The following TENM4 variants were observed in gnomAD, a reference collection of about 807,000 sequenced individuals.
The protein encoded by TENM4 is teneurin-4.
Under a neutral mutation model 243.3 loss-of-function variants are expected in TENM4, and 82 were observed. The observed-to-expected ratio is 0.34, with a 90% CI of 0.28 to 0.40. The LOEUF (loss-of-function observed/expected upper bound fraction) is 0.40. Among genes scored for constraint, TENM4 ranks in the 10% least tolerant of loss-of-function variants. The pLI, the probability that TENM4 is intolerant of heterozygous loss-of-function variation, is 1.00. For synonymous variants in TENM4, 1,412 were observed against 1,456.3 expected (o/e 0.97, Z 0.69); for missense variants, 3,138 against 3,673.3 (o/e 0.85, Z 3.77).
intron 4 of TENM4, among the ~76,000 whole-genome samples, chr11:79,079,754 G>GA (rs1860618714): frequency 6.6e-6 from 1 of 150,528 alleles, no homozygotes; most frequent in East Asian, 2.0e-4. Context: ...GCTTGAATCT[G>GA]AGAGTTGGAG....
At chr11:78,908,187 G>C (rs531536169) in intron 6 of TENM4, among the ~76,000 whole-genome samples, 91 of 152,306 alleles carry the variant, frequency 6.0e-4, no homozygotes, top group African/African-American at 1.9e-3. Context: ...CTCGGCTTTG[G>C]TGTCAGAGAG....
intron 6 of TENM4, among the ~76,000 whole-genome samples, chr11:78,970,808 C>T (rs1306008020): frequency 6.6e-6 from 1 of 152,200 alleles, no homozygotes; most frequent in East Asian, 1.9e-4. Flanking sequence ...AGTCAGATTC[C>T]TCCAACATAG....
chr11:79,311,541 G>A (rs1156505274), intron 1 of TENM4, among the ~76,000 whole-genome samples: 1 of 152,132 alleles, frequency 6.6e-6, no homozygotes, highest in Admixed American at 6.5e-5. Flanking sequence ...AGATTGGGCT[G>A]ATATTTTACA....
At chr11:79,136,790 A>T (rs1007475213) in intron 4 of TENM4, among the ~76,000 whole-genome samples, 1 of 152,166 alleles carries the variant, frequency 6.6e-6, no homozygotes, top group African/African-American at 2.4e-5. Context: ...CTTTATGGCT[A>T]AAGAAGTGTG....
intron 6 of TENM4, among the ~76,000 whole-genome samples, chr11:78,999,647 G>C (rs1006947957): frequency 5.3e-5 from 8 of 152,178 alleles, no homozygotes; most frequent in African/African-American, 1.7e-4. Flanking sequence ...GAAGTGTCCA[G>C]TTTTCAACAA....
chr11:78,976,597 A>G (rs1282607198), intron 6 of TENM4, among the ~76,000 whole-genome samples: 1 of 152,162 alleles, frequency 6.6e-6, no homozygotes, highest in Non-Finnish European at 1.5e-5. Context: ...TTTTTGGGGA[A>G]AGCACAAACA....
intron 4 of TENM4, among the ~76,000 whole-genome samples, chr11:79,113,320 T>A (rs760503558): frequency 1.3e-5 from 2 of 151,596 alleles, no homozygotes; most frequent in Non-Finnish European, 2.9e-5. Context: ...TGAAGAAAAT[T>A]CATATCCTTC....
At chr11:79,179,558 C>T (rs1275636903) in intron 3 of TENM4, among the ~76,000 whole-genome samples, 1 of 145,516 alleles carries the variant, frequency 6.9e-6, no homozygotes, top group Non-Finnish European at 1.6e-5. Flanking sequence ...AATATTTGAA[C>T]ATCTCTCTCT....
chr11:79,036,150 G>T (rs993083267), intron 6 of TENM4, among the ~76,000 whole-genome samples: 4 of 152,220 alleles, frequency 2.6e-5, no homozygotes, highest in African/African-American at 9.6e-5. Flanking sequence ...AGTCAGTGGG[G>T]TCTGGAGTGG....
chr11:79,216,516 T>C (rs11237765), intron 2 of TENM4, among the ~76,000 whole-genome samples: 2 of 152,158 alleles, frequency 1.3e-5, no homozygotes, highest in Non-Finnish European at 2.9e-5. Context: ...GGAACCTAAA[T>C]TCCTCAATGT....
intron 2 of TENM4, among the ~76,000 whole-genome samples, chr11:79,265,310 G>T (rs144139508): frequency 1.1e-3 from 161 of 152,280 alleles, no homozygotes; most frequent in African/African-American, 3.7e-3. Flanking sequence ...CACATTGCGT[G>T]ATAAAGACTT....
intron 3 of TENM4, among the ~76,000 whole-genome samples, chr11:79,206,278 G>A (rs147052312): frequency 2.0e-5 from 3 of 152,360 alleles, no homozygotes; most frequent in African/African-American, 7.2e-5. Flanking sequence ...GGCATCTCCT[G>A]AAGGCCTTGA....
intron 1 of TENM4, among the ~76,000 whole-genome samples, chr11:79,373,294 A>ATGGCTGGCTGGC (rs200276676): frequency 6.7e-6 from 1 of 149,632 alleles, no homozygotes; most frequent in Non-Finnish European, 1.5e-5. Flanking sequence ...GGGTGGATAG[A>ATGGCTGGCTGGC]TGGCTGGCTG....
intron 18 of TENM4, among the ~76,000 whole-genome samples, chr11:78,767,070 A>G (rs1017265639): frequency 3.3e-5 from 5 of 152,238 alleles, no homozygotes; most frequent in African/African-American, 1.2e-4. Flanking sequence ...TTTTAAACCC[A>G]GCAAATTGGG....
rs117776247 is a variant in TENM4 at position 79,103,321 on chromosome 11, A to G, written c.-65-33312T>C. Among the ~76,000 whole-genome samples the G allele has an allele frequency of 7.0e-3, 1,063 of 152,326 alleles. 4 individuals are homozygous for G. Among genetic ancestry groups the G allele is most frequent in the Middle Eastern group, 0.014 (4 of 294 alleles). ...GAATAAAATAATGTTGTATGATTAT[A>G]GAAATAACACATTGTTATTGCACAT... On this transcript the variant is annotated intron_variant, in intron 4 of 33. Coordinates refer to ENST00000278550, the MANE Select transcript of TENM4 (RefSeq NM_001098816.3).
intron 2 of TENM4, among the ~76,000 whole-genome samples, chr11:79,266,177 T>A (rs1397965664): frequency 1.3e-5 from 2 of 152,218 alleles, no homozygotes; most frequent in African/African-American, 4.8e-5. Flanking sequence ...GTTCCCAAGG[T>A]CTGACTCAAG....
intron 12 of TENM4, among the ~76,000 whole-genome samples, chr11:78,818,744 G>A (rs529788590): frequency 6.6e-6 from 1 of 152,224 alleles, no homozygotes; most frequent in East Asian, 1.9e-4. Context: ...CCCAATTAGT[G>A]TTTGGTGAAT....
At chr11:78,659,763 C>T (rs558349572) in intron 33 of TENM4, among the ~76,000 whole-genome samples, 5 of 152,304 alleles carry the variant, frequency 3.3e-5, no homozygotes, top group Admixed American at 1.3e-4. Context: ...GGGGACAGGT[C>T]GGGCCCTGCC....
chr11:79,226,870 G>A (rs1471840928), intron 2 of TENM4, among the ~76,000 whole-genome samples: 2 of 152,178 alleles, frequency 1.3e-5, no homozygotes, highest in East Asian at 1.9e-4. Context: ...TAGAACAGGT[G>A]GGGGCCAACT....
Sources: gnomAD v4.1 joint callset for allele counts (sites outside exome capture counted in the v4.1 genomes callset) on GRCh38, gnomAD v4.1.1 for gene constraint, MANE v1.5 for transcripts, NCBI Gene and HGNC (gene_info 2026-07-23, HGNC 2026-07-21) for gene names.